ELAVL2: variants seen among roughly 807,000 people sequenced by gnomAD.
The protein encoded by ELAVL2 is ELAV-like protein 2.
A neutral mutation model predicts 34.6 loss-of-function variants in ELAVL2; 4 were observed. The ratio of observed to expected loss-of-function variants is 0.12; its 90% CI spans 0.06 to 0.26. ELAVL2 has a LOEUF of 0.26. Among genes scored for constraint, ELAVL2 ranks in the 10% least tolerant of loss-of-function variants. The pLI, the probability that ELAVL2 is intolerant of heterozygous loss-of-function variation, is 1.00. For synonymous variants in ELAVL2, 193 were observed against 154.8 expected, an observed-to-expected ratio of 1.25 and a Z score of -1.83; for missense variants, 432 against 442.8, an observed-to-expected ratio of 0.98 and a Z score of 0.22.
chr9:23,735,884 G>A (rs916538425), intron 2 of ELAVL2, among the ~76,000 whole-genome samples: 3 of 152,250 alleles, frequency 2.0e-5, no homozygotes, highest in African/African-American at 7.2e-5. Flanking sequence ...TCAGAGCAAG[G>A]AGAGGAAAAC....
the ELAVL2 span, among the ~76,000 whole-genome samples, chr9:23,847,908 A>T: frequency 6.6e-6 from 1 of 152,226 alleles, no homozygotes; most frequent in Non-Finnish European, 1.5e-5. Context: ...ACTTCAACTA[A>T]AACAGTATTT....
upstream of ELAVL2, among the ~76,000 whole-genome samples, chr9:23,831,183 T>G (rs2065489812): frequency 6.6e-6 from 1 of 152,190 alleles, no homozygotes; most frequent in Non-Finnish European, 1.5e-5. Context: ...TATTGAAGAT[T>G]TATGTTTCCA....
chr9:23,819,561 G>T (rs2064229908), intron 1 of ELAVL2, among the ~76,000 whole-genome samples: 1 of 151,988 alleles, frequency 6.6e-6, no homozygotes. Flanking sequence ...GATTGTTCCT[G>T]AAAGAAGACA....
chr9:23,767,618 TAA>T (rs1282236725), intron 1 of ELAVL2, among the ~76,000 whole-genome samples: 1 of 151,958 alleles, frequency 6.6e-6, no homozygotes, highest in African/African-American at 2.4e-5. Context: ...CCACCTCTAC[TAA>T]AAATACAAAA....
intron 1 of ELAVL2, among the ~76,000 whole-genome samples, chr9:23,776,066 T>A (rs2058140049): frequency 6.6e-6 from 1 of 152,196 alleles, no homozygotes. Context: ...TCCATGTGGT[T>A]TTATGTTCCC....
At chr9:23,702,005 T>C (rs1322577195) in intron 4 of ELAVL2, among the ~76,000 whole-genome samples, 1 of 152,196 alleles carries the variant, frequency 6.6e-6, no homozygotes, top group Non-Finnish European at 1.5e-5. Context: ...AGGGACACAG[T>C]AGTTCCTGTC....
At chr9:23,702,734 G>A (rs112289895) in intron 4 of ELAVL2, among the ~76,000 whole-genome samples, 419 of 151,870 alleles carry the variant, frequency 2.8e-3, no homozygotes, top group Middle Eastern at 6.8e-3. Context: ...TATTTAAAGA[G>A]CATGCATTGC....
chr9:23,806,979 C>T lies in ELAVL2; in HGVS notation c.-16+18827G>A, dbSNP rs534553147. ...TATTTTCAGTAGCTTCCTTCTGCAC[C>T]TAAGGAAAAGGGGCTGAAATCTAAA... is the stretch of plus-strand genomic sequence containing the variant. On this transcript the variant is annotated intron_variant, in intron 1 of 6. Coordinates refer to ENST00000397312, the MANE Select transcript of ELAVL2 (RefSeq NM_004432.5). Among the ~76,000 whole-genome samples the T allele has an allele frequency of 3.5e-3, 535 of 152,170 alleles. 2 individuals carry two copies. Among genetic ancestry groups the T allele is most frequent in the Admixed American group, 4.1e-3 (63 of 15,272 alleles).
At chr9:23,741,366 G>C (rs1305514597) in intron 2 of ELAVL2, among the ~76,000 whole-genome samples, 8 of 152,156 alleles carry the variant, frequency 5.3e-5, no homozygotes. Flanking sequence ...GAGGCACAAT[G>C]AGGAAGGAGG....
intron 1 of ELAVL2, among the ~76,000 whole-genome samples, chr9:23,804,136 C>T (rs866682361): frequency 4.0e-5 from 6 of 151,712 alleles, no homozygotes; most frequent in African/African-American, 1.5e-4. Flanking sequence ...AAAAGATAAC[C>T]ACAGAACTGT....
chr9:23,767,959 G>T (rs2056624225), intron 1 of ELAVL2, among the ~76,000 whole-genome samples: 1 of 152,094 alleles, frequency 6.6e-6, no homozygotes. Flanking sequence ...CCCTGGTGAG[G>T]CTGCGCCTGT....
intron 2 of ELAVL2, among the ~76,000 whole-genome samples, chr9:23,742,510 G>A (rs560515582): frequency 9.9e-5 from 15 of 152,274 alleles, no homozygotes; most frequent in African/African-American, 3.1e-4. Flanking sequence ...CATTAAGAAG[G>A]GAATATTGGG....
intron 3 of ELAVL2, among the ~76,000 whole-genome samples, chr9:23,723,735 G>T (rs969956542): frequency 5.3e-5 from 8 of 151,976 alleles, no homozygotes; most frequent in Admixed American, 1.3e-4. Flanking sequence ...CTCTTCCTCA[G>T]CCTCCTTATT....
chr9:23,711,288 A>C (rs564666968), intron 3 of ELAVL2, among the ~76,000 whole-genome samples: 1 of 152,344 alleles, frequency 6.6e-6, no homozygotes, highest in South Asian at 2.1e-4. Context: ...ACAGAACCTT[A>C]AATTTTATCG....
intron 1 of ELAVL2, among the ~76,000 whole-genome samples, chr9:23,798,820 T>C (rs1260855843): frequency 6.6e-6 from 1 of 152,164 alleles, no homozygotes; most frequent in Non-Finnish European, 1.5e-5. Context: ...CAGGCACACG[T>C]GTAATTAAAT....
At chr9:23,702,943 C>G (rs1333631327) in intron 4 of ELAVL2, among the ~76,000 whole-genome samples, 2 of 30,946 alleles carry the variant, frequency 6.5e-5, no homozygotes, top group African/African-American at 1.8e-4. Flanking sequence ...AGAAAAGCAT[C>G]AGATTAGCAA....
intron 1 of ELAVL2, among the ~76,000 whole-genome samples, chr9:23,787,304 G>A (rs2059811214): frequency 6.7e-6 from 1 of 150,352 alleles, no homozygotes; most frequent in Non-Finnish European, 1.5e-5. Flanking sequence ...TTGTCTCCCA[G>A]GCTGGAGTGC....
the ELAVL2 span, among the ~76,000 whole-genome samples, chr9:23,838,684 T>C: frequency 6.6e-6 from 1 of 152,144 alleles, no homozygotes; most frequent in African/African-American, 2.4e-5. Context: ...TTTCGATGAA[T>C]TAATCATTTC....
rs555690468 is a variant in ELAVL2, at chr9:23,730,706, A to T, written c.333+316T>A. On this transcript the variant is annotated intron_variant, in intron 3 of 6. Transcript: ENST00000397312. ...TTCACTACCCAGACCTTTATAGAAG[A>T]ACAAGTCTAAGGTTTCCTCAAGTTA... Among the ~76,000 whole-genome samples, 2 of 152,230 alleles carry T rather than the reference A, an allele frequency of 1.3e-5. 1 individual carries two copies. The highest frequency in any genetic ancestry group is 4.1e-4 in the South Asian group (2 of 4,830).
Sources: allele counts gnomAD v4.1 joint callset (sites outside exome capture counted in the v4.1 genomes callset), GRCh38; gene constraint gnomAD v4.1.1; transcripts MANE v1.5; gene names NCBI Gene and HGNC (gene_info 2026-07-23, HGNC 2026-07-21).